The following PPP1R36 variants were observed in gnomAD, a reference collection of about 807,000 sequenced individuals.
PPP1R36 encodes the protein protein phosphatase 1 regulatory subunit 36.
PPP1R36 carries 47 observed loss-of-function variants against 53.4 expected under a neutral mutation model. That is an observed-to-expected ratio of 0.88 (90% confidence interval 0.70 to 1.12). The LOEUF (loss-of-function observed/expected upper bound fraction) is 1.12. PPP1R36 is among the 50% of genes most tolerant of loss of function. PPP1R36 has a pLI of 0.00. For missense variants in PPP1R36, 456 were observed against 513.9 expected, an observed-to-expected ratio of 0.89 and a Z score of 1.09; for synonymous variants, 153 against 170.5, an observed-to-expected ratio of 0.90 and a Z score of 0.80.
At chr14:64,559,105 G>A (rs1188898279) in intron 3 of PPP1R36, among the ~76,000 whole-genome samples, 1 of 152,194 alleles carries the variant, frequency 6.6e-6, no homozygotes. Context: ...AATAAACAGA[G>A]AAAGGAAGGT....
chr14:64,557,634 T>A (rs887578263), intron 3 of PPP1R36, among the ~76,000 whole-genome samples: 1 of 152,212 alleles, frequency 6.6e-6, no homozygotes, highest in Admixed American at 6.5e-5. Flanking sequence ...TTAATTATTG[T>A]ACACATTTTA....
chr14:64,556,762 A>ATGTGTGTGTGTG (rs369620598), intron 3 of PPP1R36, among the ~76,000 whole-genome samples: 33,046 of 133,538 alleles, frequency 0.25, 4,554 homozygotes, highest in East Asian at 0.36. Flanking sequence ...TCTCCAAAAA[A>ATGTGTGTGTGTG]TGTGTGTGTG....
intron 2 of PPP1R36, chr14:64,551,508 C>A (rs528395045): frequency 5.0e-5 from 20 of 398,160 alleles, no homozygotes; most frequent in African/African-American, 3.3e-4. Flanking sequence ...CTGACTCTTA[C>A]AAGTGTATAG....
At chr14:64,589,003 G>A (rs2080461416) in intron 11 of PPP1R36, 149 bp from the exon 12 acceptor site, 2 of 565,796 alleles carry the variant, frequency 3.5e-6, no homozygotes, top group African/African-American at 2.0e-5. Context: ...TGGAAACAGG[G>A]AAAGTTTTTA....
Position 64,574,578 on chromosome 14 carries a change from G to A in PPP1R36, c.657G>A (p.Met219Ile). 6.2e-7 allele frequency: 1 copy of A among 1,612,464 alleles called. No individual in the cohort carries two copies. Among genetic ancestry groups the A allele is most frequent in the Non-Finnish European group, 8.5e-7 (1 of 1,179,502 alleles). ...LGLAVPDKHHMCCGKEKISDT... is the reference protein window; with the variant it reads ...LGLAVPDKHHICCGKEKISDT... Reference sequence around the variant, plus strand: ...TGGCCGTGCCGGATAAGCATCACATGTGCTGTGGAAAGTAAGCAGATACTT... The same window carrying A: ...TGGCCGTGCCGGATAAGCATCACATATGCTGTGGAAAGTAAGCAGATACTT... The change falls in exon 8 of 12, where the codon ATG (methionine) becomes ATA (isoleucine). Residue 219 changes from methionine to isoleucine, a missense_variant. By Grantham distance (10) the Met-to-Ile change is conservative (BLOSUM62 1). Transcript: ENST00000298705.
At chr14:64,572,590 G>C (rs1056230207) in intron 7 of PPP1R36, among the ~76,000 whole-genome samples, 3 of 151,904 alleles carry the variant, frequency 2.0e-5, no homozygotes, top group African/African-American at 7.3e-5. Context: ...GGGACCACTT[G>C]CCTTGGAATC....
chr14:64,589,082 TCA>T (rs1425497788), intron 11 of PPP1R36, 68 bp from the exon 12 acceptor site: 2 of 1,138,982 alleles, frequency 1.8e-6, no homozygotes, highest in Non-Finnish European at 2.6e-6. Flanking sequence ...ACAACCACAA[TCA>T]CAGTCTCAAC....
intron 7 of PPP1R36, among the ~76,000 whole-genome samples, chr14:64,569,126 T>G (rs2080283384): frequency 6.6e-6 from 1 of 152,190 alleles, no homozygotes; most frequent in African/African-American, 2.4e-5. Flanking sequence ...TATAAAGAAT[T>G]TAAATGCTTT....
chr14:64,575,654 GTT>G lies in PPP1R36; in HGVS notation c.668+1078_668+1079del, dbSNP rs66467437. On this transcript the variant is annotated intron_variant, in intron 8 of 11. Transcript: ENST00000298705. ...TCTATAAAGGTTAAGACATTTTGGG[GTT>G]TTTTTTTTTTTTGAGACATAGTCTT... 3.4e-3 allele frequency among the ~76,000 whole-genome samples: 493 copies of G among 143,166 alleles called. 1 individual carries two copies. The highest frequency in any genetic ancestry group is 4.9e-3 in the Non-Finnish European group (317 of 65,292). The allele number at this position is 143,166 out of a possible 152,430, so 93.9% of individuals were successfully genotyped here.
At chr14:64,570,168 A>T (rs958245502) in intron 7 of PPP1R36, among the ~76,000 whole-genome samples, 1 of 152,206 alleles carries the variant, frequency 6.6e-6, no homozygotes, top group Non-Finnish European at 1.5e-5. Context: ...ATTGACAAAA[A>T]CAAACCAATT....
chr14:64,577,718 CTTTTTTTTTTT>C (rs10667127), intron 8 of PPP1R36, among the ~76,000 whole-genome samples: 10 of 94,448 alleles, frequency 1.1e-4, no homozygotes, highest in South Asian at 7.7e-4. Flanking sequence ...GCCATGATTA[CTTTTTTTTTTT>C]TTTTTTTTTT....
intron 9 of PPP1R36, 94 bp downstream of exon 9, chr14:64,586,973 CT>C: frequency 2.8e-6 from 3 of 1,072,926 alleles, no homozygotes. Flanking sequence ...AGTGAATATC[CT>C]TTCTAAAAGA....
chr14:64,557,590 T>C (rs1169893592), intron 3 of PPP1R36, among the ~76,000 whole-genome samples: 1 of 152,220 alleles, frequency 6.6e-6, no homozygotes, highest in African/African-American at 2.4e-5. Flanking sequence ...GTCTTTAAAA[T>C]AAGGTTTGTA....
At chr14:64,554,300 T>C (rs573219436) in intron 3 of PPP1R36, among the ~76,000 whole-genome samples, 24 of 152,046 alleles carry the variant, frequency 1.6e-4, no homozygotes, top group Non-Finnish European at 3.1e-4. Flanking sequence ...TACTGGCATG[T>C]GCCACCACAC....
chr14:64,576,323 C>T (rs2080341706), intron 8 of PPP1R36, among the ~76,000 whole-genome samples: 1 of 151,954 alleles, frequency 6.6e-6, no homozygotes. Context: ...TCAGGTGATC[C>T]ACCCACCTCA....
chr14:64,564,634 CTG>C, intron 3 of PPP1R36, 115 bp from the exon 4 acceptor site: 1 of 643,202 alleles, frequency 1.6e-6, no homozygotes. Flanking sequence ...TTGAACACTG[CTG>C]TGTCTCAGAT....
Position 64,564,812 on chromosome 14 carries a change from G to A in PPP1R36, c.244G>A (p.Glu82Lys), listed in dbSNP as rs2140228696. 2 of 1,610,176 alleles carry A rather than the reference G, an allele frequency of 1.2e-6. No individual in the cohort carries two copies. The highest frequency in any genetic ancestry group is 1.7e-6 in the Non-Finnish European group (2 of 1,178,514). ...GKKGKAVHFA[E>K]TDGPASDRLT... is the part of the protein sequence containing the mutation. ...GAAAGGCAAAGCAGTTCACTTTGCA[G>A]AAACTGATGGTCCAGCTTCAGACAG... The change falls in exon 4 of 12, where the codon GAA (glutamate) becomes AAA (lysine). Residue 82 changes from glutamate (E) to lysine (K), a missense_variant. By Grantham distance (56) the Glu-to-Lys change is moderately conservative. Transcript: ENST00000298705.
At chr14:64,570,485 A>G (rs1467890327) in intron 7 of PPP1R36, among the ~76,000 whole-genome samples, 2 of 152,182 alleles carry the variant, frequency 1.3e-5, no homozygotes, top group Non-Finnish European at 2.9e-5. Context: ...CCGCCTTAAA[A>G]AAAAAAAGTA....
chr14:64,559,937 T>C (rs1479204189), intron 3 of PPP1R36, among the ~76,000 whole-genome samples: 1 of 151,562 alleles, frequency 6.6e-6, no homozygotes, highest in Non-Finnish European at 1.5e-5. Flanking sequence ...ACCCCATCTC[T>C]AATGAAAATA....
Sources: allele counts gnomAD v4.1 joint callset (sites outside exome capture counted in the v4.1 genomes callset), GRCh38; gene constraint gnomAD v4.1.1; transcripts MANE v1.5; gene names NCBI Gene and HGNC (gene_info 2026-07-23, HGNC 2026-07-21).